The following MAP2K1 variants were observed in gnomAD, a reference collection of about 807,000 sequenced individuals.
MAP2K1 encodes dual specificity mitogen-activated protein kinase kinase 1.
Under a neutral mutation model 46.3 loss-of-function variants are expected in MAP2K1, and 16 were observed. The observed-to-expected ratio is 0.35, with a 90% confidence interval of 0.23 to 0.52. MAP2K1 has a LOEUF of 0.52. Among genes scored for constraint, MAP2K1 ranks in the 20% least tolerant of loss-of-function variants. The pLI is 0.94. For missense variants in MAP2K1, 263 were observed against 497.1 expected, an observed-to-expected ratio of 0.53 and a Z score of 4.48; for synonymous variants, 183 against 185.6, an observed-to-expected ratio of 0.99 and a Z score of 0.11.
intron 5 of MAP2K1, among the ~76,000 whole-genome samples, chr15:66,468,327 T>C (rs960060326): frequency 2.6e-5 from 4 of 152,210 alleles, no homozygotes; most frequent in African/African-American, 7.2e-5. Flanking sequence ...TGTTTCATTA[T>C]GCTTGGCAGT....
At chr15:66,485,222 C>T (rs761153218) in intron 7 of MAP2K1, 31 bp downstream of exon 7, 84 of 1,596,210 alleles carry the variant, frequency 5.3e-5, no homozygotes, top group Non-Finnish European at 7.0e-5. Flanking sequence ...CCATCTTGGA[C>T]TGTTGGAGGG....
At position 66,418,976 on chromosome 15, in the gene MAP2K1, C is replaced by CT. The variant is rs910742374; in HGVS notation, c.81-16043dup. Among the ~76,000 whole-genome samples the CT allele has an allele frequency of 3.4e-4, 19 of 56,418 alleles. No individual in the cohort carries two copies. The East Asian group carries it at 5.2e-3, about 16-fold the overall frequency. 37.0% of individuals were successfully genotyped at this position (56,418 alleles called of 152,430 possible). A position where few individuals can be genotyped will look rare whatever the true frequency, so the allele number is the denominator to read the frequency against. On this transcript the variant is annotated intron_variant, in intron 1 of 10. Transcript: ENST00000307102. ...TTTTTTTTTTTTTTTTTCCTTTTTT[C>CT]TTTTTTTTGAGACAGAGTTTCACTT...
intron 1 of MAP2K1, among the ~76,000 whole-genome samples, chr15:66,405,453 A>G (rs962473186): frequency 2.6e-5 from 4 of 152,208 alleles, no homozygotes; most frequent in Admixed American, 6.5e-5. Context: ...AGAAAGTTCT[A>G]TTAGTGCTGG....
At position 66,398,712 on chromosome 15, in the gene MAP2K1, A is replaced by G. The variant is rs562978388; in HGVS notation, c.80+11285A>G. ...TCCCAATTGTGTACCGGATCAAAAA[A>G]TAGTTATAAAATGCATTGTTGAGAC... On this transcript the variant is annotated intron_variant, in intron 1 of 10. Coordinates refer to ENST00000307102, the MANE Select transcript of MAP2K1 (RefSeq NM_002755.4). Among the ~76,000 whole-genome samples, 9 of 152,306 alleles carry G rather than the reference A, an allele frequency of 5.9e-5. 1 individual carries two copies. The South Asian group carries it at 1.2e-3, about 21-fold the overall frequency.
At chr15:66,429,157 G>T (rs984084601) in intron 1 of MAP2K1, among the ~76,000 whole-genome samples, 2 of 152,028 alleles carry the variant, frequency 1.3e-5, no homozygotes, top group Admixed American at 6.6e-5. Context: ...CACAAGACTG[G>T]GTAATTTATA....
At chr15:66,474,412 G>C (rs1434013439) in intron 5 of MAP2K1, among the ~76,000 whole-genome samples, 2 of 152,134 alleles carry the variant, frequency 1.3e-5, no homozygotes, top group Non-Finnish European at 2.9e-5. Flanking sequence ...AAGAAGCATC[G>C]TGCTCACTCG....
At chr15:66,428,732 A>G (rs962239269) in intron 1 of MAP2K1, among the ~76,000 whole-genome samples, 36 of 148,604 alleles carry the variant, frequency 2.4e-4, no homozygotes, top group Admixed American at 4.0e-4. Flanking sequence ...CCTAATTTAT[A>G]ATTGCAAAGA....
chr15:66,417,397 C>T (rs907365675), intron 1 of MAP2K1, among the ~76,000 whole-genome samples: 2 of 151,938 alleles, frequency 1.3e-5, no homozygotes, highest in African/African-American at 4.8e-5. Context: ...ATAGTGAAAC[C>T]CTGTCTCTAC....
rs568230073 is a variant in MAP2K1, at chr15:66,469,913, A to G, written c.569-11842A>G. On this transcript the variant is annotated intron_variant, in intron 5 of 10. Transcript: ENST00000307102. ...TAGGCTGTCATGAAAAAAAGAAGGC[A>G]GAACCTTATGTATGGAACTGCAGCC... is the stretch of plus-strand genomic sequence containing the variant. Among the ~76,000 whole-genome samples the G allele has an allele frequency of 2.0e-5, 3 of 151,486 alleles. No homozygotes were observed. The East Asian group carries it at 5.9e-4, about 30-fold the overall frequency.
At position 66,387,220 on chromosome 15, in the gene MAP2K1, G is replaced by T; in HGVS notation, c.-128G>T. On this transcript the variant is annotated 5_prime_UTR_variant, in exon 1 of 11. Coordinates refer to ENST00000307102, the MANE Select transcript of MAP2K1 (RefSeq NM_002755.4). The stretch of plus-strand genomic sequence containing the variant: ...TGACGGGACCGCGCGGGGCGCACCC[G>T]CTGAAGGCAGCCCCGGGGCCCGCGG... 1.4e-6 allele frequency: 1 copy of T among 708,668 alleles called. No individual in the cohort carries two copies. Among genetic ancestry groups the T allele is most frequent in the Non-Finnish European group, 2.3e-6 (1 of 443,970 alleles). The allele number at this position is 708,668 out of a possible 1,614,324, so 43.9% of individuals were successfully genotyped here. A position where few individuals can be genotyped will look rare whatever the true frequency, so the allele number is the denominator to read the frequency against.
chr15:66,466,560 G>A lies in MAP2K1; in HGVS notation c.569-15195G>A, dbSNP rs369597188. Among the ~76,000 whole-genome samples the A allele has an allele frequency of 3.9e-5, 6 of 152,136 alleles. No homozygotes were observed. The East Asian group carries it at 1.2e-3, about 30-fold the overall frequency. On this transcript the variant is annotated intron_variant, in intron 5 of 10. Coordinates refer to ENST00000307102, the MANE Select transcript of MAP2K1 (RefSeq NM_002755.4). ...CTGGGCGTGGTGGTGTGTGCCTGTA[G>A]TCCCAGCTACTCAGGAGTCTGAGAC...
chr15:66,474,443 A>G (rs1287782428), intron 5 of MAP2K1, among the ~76,000 whole-genome samples: 1 of 152,156 alleles, frequency 6.6e-6, no homozygotes, highest in Non-Finnish European at 1.5e-5. Context: ...GTGGAGAACT[A>G]TTCTCTCCTT....
chr15:66,438,565 C>T (rs2093495065), intron 3 of MAP2K1, among the ~76,000 whole-genome samples: 1 of 152,202 alleles, frequency 6.6e-6, no homozygotes, highest in Admixed American at 6.5e-5. Context: ...TTCCTTCAAG[C>T]CTTCCTCCTC....
chr15:66,480,280 G>C (rs1376666750), intron 5 of MAP2K1, among the ~76,000 whole-genome samples: 1 of 151,974 alleles, frequency 6.6e-6, no homozygotes, highest in Non-Finnish European at 1.5e-5. Context: ...GTAGAGATGG[G>C]AGTTACGCCA....
At chr15:66,486,838 A>G (rs1217882013) in intron 7 of MAP2K1, among the ~76,000 whole-genome samples, 1 of 152,210 alleles carries the variant, frequency 6.6e-6, no homozygotes, top group Non-Finnish European at 1.5e-5. Context: ...CAGTGACTCT[A>G]GGAGACAAAA....
At chr15:66,439,106 C>G (rs932453096) in intron 3 of MAP2K1, among the ~76,000 whole-genome samples, 2 of 152,186 alleles carry the variant, frequency 1.3e-5, no homozygotes, top group Non-Finnish European at 2.9e-5. Flanking sequence ...GGTCCTGTTG[C>G]AGGAAAGGCC....
chr15:66,393,129 A>C (rs1486871278), intron 1 of MAP2K1, among the ~76,000 whole-genome samples: 2 of 151,634 alleles, frequency 1.3e-5, no homozygotes, highest in Admixed American at 6.6e-5. Flanking sequence ...GCTGGGTCTT[A>C]GGGTACATTG....
chr15:66,490,597 C>G lies in MAP2K1; in HGVS notation c.1164C>G (p.Thr388=). 1 of 1,614,050 alleles carries G rather than the reference C, an allele frequency of 6.2e-7. No individual in the cohort carries two copies. The highest frequency in any genetic ancestry group is 1.1e-5 in the South Asian group (1 of 91,074). Residue 388 remains threonine (T), a synonymous_variant, in exon 11 of 11, where the codon ACC becomes ACG. Transcript: ENST00000307102. ...TIGLNQPSTP[T]HAAGV is the part of the protein sequence containing the mutation. ...GCCTTAACCAGCCCAGCACACCAAC[C>G]CATGCTGCTGGCGTCTAAGTGTTTG...
At chr15:66,410,083 A>T (rs1372847186) in intron 1 of MAP2K1, among the ~76,000 whole-genome samples, 2 of 152,248 alleles carry the variant, frequency 1.3e-5, no homozygotes, top group African/African-American at 4.8e-5. Flanking sequence ...CTCAGTTGTC[A>T]GATGGCTGGT....
Sources: gnomAD v4.1 joint callset for allele counts (sites outside exome capture counted in the v4.1 genomes callset) on GRCh38, gnomAD v4.1.1 for gene constraint, MANE v1.5 for transcripts, NCBI Gene and HGNC (gene_info 2026-07-23, HGNC 2026-07-21) for gene names.